Variants in RIMKLA observed in about 807,000 individuals in gnomAD.
RIMKLA encodes the protein N-acetylaspartylglutamate synthase A.
In RIMKLA, 14 loss-of-function variants were observed where a neutral mutation model predicts 32.7. That is an observed-to-expected ratio of 0.43 (90% CI 0.28 to 0.67). The LOEUF (loss-of-function observed/expected upper bound fraction) is 0.67. RIMKLA is among the 30% of genes least tolerant of loss of function. The pLI, the probability that RIMKLA is intolerant of heterozygous loss-of-function variation, is 0.18. For synonymous variants in RIMKLA, 176 were observed against 204.1 expected (o/e 0.86, Z 1.18); for missense variants, 410 against 519.0 (o/e 0.79, Z 2.04).
intron 1 of RIMKLA, among the ~76,000 whole-genome samples, chr1:42,392,289 A>G (rs1235112636): frequency 6.6e-6 from 1 of 152,066 alleles, no homozygotes; most frequent in African/African-American, 2.4e-5. Flanking sequence ...CACTTAGCAC[A>G]TTGTGTTACA....
chr1:42,381,216 CGCACTCTAGCT>C lies in RIMKLA; in HGVS notation c.163+122_163+132del, dbSNP rs1047757158. The C allele has an allele frequency of 1.6e-5, 11 of 700,534 alleles. No individual in the cohort carries two copies. The Admixed American group carries it at 2.2e-4, about 14-fold the overall frequency. 43.4% of individuals were successfully genotyped at this position (700,534 alleles called of 1,614,324 possible). ...GTCTCCTTCGGGCCCGCACACTAGCCGCACTCTAGCTGCGAGACTTCTTGGGGTTGGAGAAA... is the reference window on the plus strand; with the variant it reads ...GTCTCCTTCGGGCCCGCACACTAGCCGCGAGACTTCTTGGGGTTGGAGAAA... On this transcript the variant is annotated intron_variant, in intron 1 of 4. Coordinates refer to ENST00000431473, the MANE Select transcript of RIMKLA (RefSeq NM_173642.4).
rs376623405 is a variant in RIMKLA at position 42,414,884 on chromosome 1, A to C, written c.1086A>C (p.Ser362=). ...EPELGEIRDS[S]ASTMGAPPSM... is the part of the protein sequence containing the mutation. ...AACTGGGAGAGATCCGGGATTCCTC[A>C]GCAAGCACAATGGGGGCCCCACCCT... The change falls in exon 5 of 5, where the codon TCA becomes TCC. Residue 362 remains serine (S), a synonymous_variant. Transcript: ENST00000431473. 22 of 1,614,108 alleles carry C rather than the reference A, an allele frequency of 1.4e-5. No homozygotes were observed. The highest frequency in any genetic ancestry group is 1.8e-5 in the Non-Finnish European group (21 of 1,180,038).
At chr1:42,384,636 A>G (rs74068409) in intron 1 of RIMKLA, among the ~76,000 whole-genome samples, 11 of 21,848 alleles carry the variant, frequency 5.0e-4, no homozygotes, top group African/African-American at 2.0e-3. Context: ...GTGTGTGTGT[A>G]TATATATATA....
chr1:42,395,099 A>G (rs1382189920), intron 1 of RIMKLA, among the ~76,000 whole-genome samples: 1 of 152,228 alleles, frequency 6.6e-6, no homozygotes, highest in African/African-American at 2.4e-5. Flanking sequence ...TTCTTTGGGA[A>G]AAGTTATCCT....
At chr1:42,401,700 G>T (rs1643098507) in intron 2 of RIMKLA, among the ~76,000 whole-genome samples, 1 of 152,132 alleles carries the variant, frequency 6.6e-6, no homozygotes, top group Non-Finnish European at 1.5e-5. Context: ...GAAATAAATG[G>T]GAAGTTAGGA....
chr1:42,390,766 T>C (rs971602570), intron 1 of RIMKLA, among the ~76,000 whole-genome samples: 4 of 152,162 alleles, frequency 2.6e-5, no homozygotes, highest in African/African-American at 9.7e-5. Flanking sequence ...TTGCCAGACA[T>C]TAAGGGTGCC....
rs1162584737 is a variant in RIMKLA, at chr1:42,385,844, CTCTTTCTTTCTTTCTTTCTTTCTTTCTT to C, written c.163+4774_163+4801del. Among the ~76,000 whole-genome samples the C allele has an allele frequency of 4.7e-3, 266 of 57,082 alleles. 20 individuals are homozygous for C. Among genetic ancestry groups the C allele is most frequent in the African/African-American group, 0.016 (240 of 15,144 alleles). 37.4% of individuals were successfully genotyped at this position (57,082 alleles called of 152,430 possible). On this transcript the variant is annotated intron_variant, in intron 1 of 4. Transcript: ENST00000431473. ...CCTTCCTTCCTTTCTTTCTTTCTTT[CTCTTTCTTTCTTTCTTTCTTTCTTTCTT>C]TCTTTCTTTCTTTCTTTCTTTCTTT...
intron 1 of RIMKLA, among the ~76,000 whole-genome samples, chr1:42,382,879 C>CA (rs1392541319): frequency 6.6e-6 from 1 of 151,772 alleles, no homozygotes; most frequent in Non-Finnish European, 1.5e-5. Flanking sequence ...TTTTTTGAGA[C>CA]AGAGTTTTGG....
At chr1:42,411,853 G>A (rs1213996816) in intron 4 of RIMKLA, among the ~76,000 whole-genome samples, 11 of 151,908 alleles carry the variant, frequency 7.2e-5, no homozygotes, top group African/African-American at 2.7e-4. Flanking sequence ...TGTATTTTTA[G>A]TGGAGACAGG....
Position 42,385,787 on chromosome 1 carries a change from G to GTTTC in RIMKLA, c.163+4700_163+4703dup, listed in dbSNP as rs140859443. Among the ~76,000 whole-genome samples the GTTTC allele has an allele frequency of 2.7e-3, 233 of 85,038 alleles. 4 individuals are homozygous for GTTTC. The highest frequency in any genetic ancestry group is 6.9e-3 in the African/African-American group (178 of 25,862). The allele number at this position is 85,038 out of a possible 152,430, so 55.8% of individuals were successfully genotyped here. ...TCTTTCTTTGTTTCTTTGTTTGTTT[G>GTTTC]TTTCTTTCTTTCTCTCTCTCTTTCC... On this transcript the variant is annotated intron_variant, in intron 1 of 4. Coordinates refer to ENST00000431473, the MANE Select transcript of RIMKLA (RefSeq NM_173642.4).
Position 42,423,008 on chromosome 1 carries a change from C to CT in RIMKLA, c.*8035dup. On this transcript the variant is annotated 3_prime_UTR_variant, in exon 5 of 5. Transcript: ENST00000431473. ...AATCTGTGTACTCACCAGAAGAACTCTGACAGGTCAGGCAGGGCCCTCAGG... is the reference window on the plus strand; with the variant it reads ...AATCTGTGTACTCACCAGAAGAACTCTTGACAGGTCAGGCAGGGCCCTCAGG... Among the ~76,000 whole-genome samples the CT allele has an allele frequency of 6.6e-6, 1 of 152,282 alleles. No individual in the cohort carries two copies. The highest frequency in any genetic ancestry group is 6.5e-5 in the Admixed American group (1 of 15,290).
In RIMKLA at chr1:42,413,850, A is replaced by C. The variant is rs1003089801; in HGVS notation, c.686-634A>C. 2.0e-5 allele frequency among the ~76,000 whole-genome samples: 3 copies of C among 148,944 alleles called. No homozygotes were observed. In the South Asian group the frequency reaches 6.7e-4, roughly 33 times the overall value. On this transcript the variant is annotated intron_variant, in intron 4 of 4. Coordinates refer to ENST00000431473, the MANE Select transcript of RIMKLA (RefSeq NM_173642.4). ...TGAGCTCTAGGGTTCCTCCCACCCC[A>C]GCCTCCCAAGTAGCTGGAACTGCAG... is the stretch of plus-strand genomic sequence containing the variant.
chr1:42,385,761 TTC>T (rs1039186530), intron 1 of RIMKLA, among the ~76,000 whole-genome samples: 9 of 107,668 alleles, frequency 8.4e-5, no homozygotes, highest in Admixed American at 7.9e-4. Context: ...CTTTCTTTCT[TTC>T]TTTCTTTGTT....
chr1:42,381,056 T>G lies in RIMKLA; in HGVS notation c.122T>G (p.Leu41Arg), dbSNP rs535540923. 6.4e-5 allele frequency: 84 copies of G among 1,314,136 alleles called. No homozygotes were observed. The Admixed American group carries it at 1.2e-3, about 18-fold the overall frequency. 81.4% of individuals were successfully genotyped at this position (1,314,136 alleles called of 1,614,324 possible). The change falls in exon 1 of 5, where the codon CTT (leucine) becomes CGT (arginine). Residue 41 changes from leucine to arginine, a missense_variant. Transcript: ENST00000431473. The stretch of plus-strand genomic sequence containing the variant: ...CAGGACGTGCGCTTCCGGGCGGTGC[T>G]TATGGACCAGATCGCCGTCACCATC... ...SEQDVRFRAVLMDQIAVTIVG... is the reference protein window; with the variant it reads ...SEQDVRFRAVRMDQIAVTIVG...
In RIMKLA at chr1:42,417,328, ACC is replaced by A. The variant is rs1643257084; in HGVS notation, c.*2355_*2356del. 2 of 152,216 alleles carry A rather than the reference ACC, an allele frequency of 1.3e-5. No homozygotes were observed. Among genetic ancestry groups the A allele is most frequent in the African/African-American group, 4.8e-5 (2 of 41,436 alleles). 9.4% of individuals were successfully genotyped at this position (152,216 alleles called of 1,614,324 possible). Reference sequence around the variant, plus strand: ...GTGGAGAAAGCTGGATCACAGCTGGACCACAACCAGCCCCAATCCAGGATTTC... The same window carrying A: ...GTGGAGAAAGCTGGATCACAGCTGGAACAACCAGCCCCAATCCAGGATTTC... On this transcript the variant is annotated 3_prime_UTR_variant, in exon 5 of 5. Coordinates refer to ENST00000431473, the MANE Select transcript of RIMKLA (RefSeq NM_173642.4).
At chr1:42,392,862 C>T (rs183328934) in intron 1 of RIMKLA, among the ~76,000 whole-genome samples, 35 of 152,102 alleles carry the variant, frequency 2.3e-4, no homozygotes, top group African/African-American at 8.2e-4. Context: ...CATGGTGGCT[C>T]GTGCCTGTAG....
At position 42,399,526 on chromosome 1, in the gene RIMKLA, T is replaced by C; in HGVS notation, c.286T>C (p.Cys96Arg). 6.2e-7 allele frequency: 1 copy of C among 1,613,578 alleles called. No homozygotes were observed. The highest frequency in any genetic ancestry group is 8.5e-7 in the Non-Finnish European group (1 of 1,179,848). Residue 96 changes from cysteine to arginine, a missense_variant, in exon 2 of 5, where the codon TGC becomes CGC. Physicochemically the swap from Cys to Arg is radical, Grantham distance 180. Transcript: ENST00000431473. ...TVLRHLEKLG[C>R]RLVNRPQSIL... ...CCTGCGACACCTGGAGAAGCTGGGC[T>C]GCCGGTTGGTCAATCGCCCACAGAG...
chr1:42,381,748 A>T (rs1266977126), intron 1 of RIMKLA, among the ~76,000 whole-genome samples: 1 of 152,052 alleles, frequency 6.6e-6, no homozygotes, highest in Admixed American at 6.6e-5. Context: ...CTCACTGATC[A>T]CTCCACTGCT....
rs145899548 is a variant in RIMKLA at position 42,423,498 on chromosome 1, G to T, written c.*8524G>T. Among the ~76,000 whole-genome samples, 1,016 of 152,286 alleles carry T rather than the reference G, an allele frequency of 6.7e-3. 16 individuals carry two copies. Among genetic ancestry groups the T allele is most frequent in the African/African-American group, 0.023 (972 of 41,554 alleles). On this transcript the variant is annotated 3_prime_UTR_variant, in exon 5 of 5. Transcript: ENST00000431473. ...GCATTTAGCTCCATGGTAGACCAGC[G>T]TATTTGGTGAGAAAGGAAGTACTTT...
Sources: allele counts gnomAD v4.1 joint callset (sites outside exome capture counted in the v4.1 genomes callset), GRCh38; gene constraint gnomAD v4.1.1; transcripts MANE v1.5; gene names NCBI Gene and HGNC (gene_info 2026-07-23, HGNC 2026-07-21).